The following CERCAM variants were observed in gnomAD, a reference collection of about 807,000 sequenced individuals.
CERCAM encodes the protein cerebral endothelial cell adhesion molecule, also known as inactive glycosyltransferase 25 family member 3.
Under a neutral mutation model 66.0 loss-of-function variants are expected in CERCAM, and 59 were observed. The ratio of observed to expected loss-of-function variants is 0.89; its 90% confidence interval spans 0.73 to 1.11. CERCAM has a LOEUF of 1.11. Among genes scored for constraint, CERCAM ranks in the 50% most tolerant of loss-of-function variants. CERCAM has a pLI of 0.00. For synonymous variants in CERCAM, 318 were observed against 343.6 expected (o/e 0.93, Z 0.83); for missense variants, 840 against 828.3 (o/e 1.01, Z -0.17).
At position 128,433,966 on chromosome 9, in the gene CERCAM, C is replaced by T. The variant is rs73614179; in HGVS notation, c.1204-136C>T. On this transcript the variant is annotated intron_variant, in intron 9 of 12. Coordinates refer to ENST00000372838, the MANE Select transcript of CERCAM (RefSeq NM_016174.5). Reference sequence around the variant, plus strand: ...GGATTTCCGGTCCCAGGCAGTGGGGCCCCCAGCAGGCTTTGGGGCAACTGC... The same window carrying T: ...GGATTTCCGGTCCCAGGCAGTGGGGTCCCCAGCAGGCTTTGGGGCAACTGC... The T allele has an allele frequency of 2.6e-4, 311 of 1,188,260 alleles. No individual in the cohort carries two copies. The African/African-American group carries it at 3.9e-3, about 15-fold the overall frequency. 73.6% of individuals were successfully genotyped at this position (1,188,260 alleles called of 1,614,324 possible).
Position 128,434,681 on chromosome 9 carries a change from G to A in CERCAM, c.1535+68G>A. On this transcript the variant is annotated intron_variant, in intron 11 of 12. Transcript: ENST00000372838. This position sits in a 1 kb window ranked among gnomAD's most constrained non-coding sequence, Gnocchi z 4.5. ...CCCCTCCAGGAACTCACCTCAGTCA[G>A]CAGGAAGTCCCCTCACCTGGCAGAT... 6.8e-7 allele frequency: 1 copy of A among 1,474,572 alleles called. No homozygotes were observed. Among genetic ancestry groups the A allele is most frequent in the Non-Finnish European group, 9.2e-7 (1 of 1,086,346 alleles). The allele number at this position is 1,474,572 out of a possible 1,614,324, so 91.3% of individuals were successfully genotyped here.
intron 2 of CERCAM, 67 bp downstream of exon 2, chr9:128,423,045 A>G: frequency 1.2e-6 from 2 of 1,611,384 alleles, no homozygotes; most frequent in Non-Finnish European, 1.7e-6. Flanking sequence ...AGGAAAAGGG[A>G]CAGCCCAGAG....
Position 128,424,211 on chromosome 9 carries a change from T to C in CERCAM, c.500T>C (p.Val167Ala). The change falls in exon 4 of 13, where the codon GTG becomes GCG. Residue 167 changes from valine (V) to alanine (A), a missense_variant. By Grantham distance (64) the Val-to-Ala change is moderately conservative. Coordinates refer to ENST00000372838, the MANE Select transcript of CERCAM (RefSeq NM_016174.5). ...RLLMGQGLPV[V>A]APMLDSQTYY... ...CTCATGGGGCAGGGGCTTCCAGTGG[T>C]GGCCCCAATGCTGGACTCCCAGACC... 6.2e-7 allele frequency: 1 copy of C among 1,614,066 alleles called. No homozygotes were observed. The highest frequency in any genetic ancestry group is 1.1e-5 in the South Asian group (1 of 91,078).
intron 5 of CERCAM, among the ~76,000 whole-genome samples, chr9:128,426,561 A>G (rs1833852081): frequency 6.6e-6 from 1 of 151,862 alleles, no homozygotes; most frequent in African/African-American, 2.4e-5. Context: ...CAGAGCTTGC[A>G]GTGAGCCGAG....
chr9:128,428,546 C>T (rs892107225), intron 6 of CERCAM, 125 bp downstream of exon 6: 61 of 1,259,122 alleles, frequency 4.8e-5, no homozygotes, highest in Non-Finnish European at 6.1e-5. Flanking sequence ...GTCCCTAACT[C>T]GTTCCATGAC....
chr9:128,424,638 A>C, intron 5 of CERCAM, 24 bp downstream of exon 5: 1 of 1,608,908 alleles, frequency 6.2e-7, no homozygotes, highest in Non-Finnish European at 8.5e-7. Flanking sequence ...CTCCTTTAGC[A>C]TTCCTTGGAG....
chr9:128,429,975 T>G (rs1160612020), intron 8 of CERCAM, among the ~76,000 whole-genome samples: 2 of 103,032 alleles, frequency 1.9e-5, no homozygotes, highest in African/African-American at 7.8e-5. Flanking sequence ...TTTTGTTTTG[T>G]TTTTTTTTCA....
chr9:128,426,794 C>T (rs1483384231), intron 5 of CERCAM, among the ~76,000 whole-genome samples: 1 of 152,114 alleles, frequency 6.6e-6, no homozygotes, highest in Non-Finnish European at 1.5e-5. Context: ...ACGATTTAAT[C>T]AAGTAATCAG....
At chr9:128,419,894 G>T (rs1303704408), upstream of CERCAM, 2 of 151,606 alleles carry the variant, frequency 1.3e-5, no homozygotes, top group Non-Finnish European at 2.9e-5. Context: ...TTTTTGAGAC[G>T]GAGTCTCGGT....
At chr9:128,426,281 C>T (rs2131332332) in intron 5 of CERCAM, among the ~76,000 whole-genome samples, 1 of 151,702 alleles carries the variant, frequency 6.6e-6, no homozygotes, top group South Asian at 2.1e-4. Flanking sequence ...AGATGAGACC[C>T]TGTCTGAAAA....
chr9:128,436,290 G>C (rs978992318), intron 12 of CERCAM, among the ~76,000 whole-genome samples: 4 of 152,022 alleles, frequency 2.6e-5, no homozygotes, highest in Admixed American at 6.6e-5. Context: ...GCCCAGGCTG[G>C]AGTGCAGTGG....
At chr9:128,425,423 C>T (rs1833821747) in intron 5 of CERCAM, among the ~76,000 whole-genome samples, 1 of 152,014 alleles carries the variant, frequency 6.6e-6, no homozygotes. Context: ...ATCTCAAAGT[C>T]TTGGGAAGCT....
chr9:128,426,995 C>A (rs1245299037), intron 5 of CERCAM, among the ~76,000 whole-genome samples: 2 of 152,196 alleles, frequency 1.3e-5, no homozygotes, highest in African/African-American at 2.4e-5. Flanking sequence ...CAAGCGACAG[C>A]CGTTGTTAAT....
chr9:128,420,837 C>G (rs959159965), upstream of CERCAM: 107 of 1,072,580 alleles, frequency 1.0e-4, no homozygotes, highest in South Asian at 2.6e-4. The surrounding 1 kb of genome is among the most constrained non-coding windows in gnomAD (Gnocchi z 5.0). Flanking sequence ...TCGGCCGGCC[C>G]GAGAGCTCCG....
chr9:128,432,673 C>T (rs913102711), intron 9 of CERCAM, among the ~76,000 whole-genome samples: 2 of 152,176 alleles, frequency 1.3e-5, no homozygotes, highest in Non-Finnish European at 2.9e-5. Context: ...AGGCATGAGC[C>T]ACCGCTCCTG....
rs1277039340 is a variant in CERCAM at position 128,435,692 on chromosome 9, G to A, written c.1575G>A (p.Val525=). ...YKAHFWPRDL[V]AFSAQPLLAA... is the part of the protein sequence containing the mutation. ...CACACTTCTGGCCACGGGACCTGGT[G>A]GCCTTCTCCGCCCAGCCCCTGCTCG... The change falls in exon 12 of 13, where the codon GTG becomes GTA. Residue 525 remains valine (V), a synonymous_variant. Transcript: ENST00000372838. 14 of 1,613,844 alleles carry A rather than the reference G, an allele frequency of 8.7e-6. No individual in the cohort carries two copies. The highest frequency in any genetic ancestry group is 1.7e-5 in the Admixed American group (1 of 59,998).
chr9:128,431,203 G>A lies in CERCAM; in HGVS notation c.1103G>A (p.Gly368Asp). The change falls in exon 9 of 13, where the codon GGC (glycine) becomes GAC (aspartate). Residue 368 changes from glycine to aspartate, a missense_variant. Coordinates refer to ENST00000372838, the MANE Select transcript of CERCAM (RefSeq NM_016174.5). ...AACAGCAGTGCCATCAGGAACCTCG[G>A]CGTAGACCTGCTCCCGGGCTACCAG... Reference protein sequence around the residue: ...MLNSSAIRNLGVDLLPGYQDP... With the variant: ...MLNSSAIRNLDVDLLPGYQDP... The A allele has an allele frequency of 6.2e-7, 1 of 1,613,984 alleles. No individual in the cohort carries two copies. Among genetic ancestry groups the A allele is most frequent in the Non-Finnish European group, 8.5e-7 (1 of 1,180,028 alleles).
intron 1 of CERCAM, 196 bp from the exon 2 acceptor site, chr9:128,422,672 G>A: frequency 5.3e-6 from 3 of 570,680 alleles, no homozygotes; most frequent in Non-Finnish European, 9.2e-6. Flanking sequence ...GGACTTGCCT[G>A]AGGTCACACA....
chr9:128,424,021 G>A, intron 3 of CERCAM, 117 bp from the exon 4 acceptor site: 2 of 1,163,958 alleles, frequency 1.7e-6, no homozygotes, highest in Non-Finnish European at 2.4e-6. Context: ...ACCTCTGTAA[G>A]AGCATTCCCA....
Sources: allele counts gnomAD v4.1 joint callset (sites outside exome capture counted in the v4.1 genomes callset), GRCh38; gene constraint gnomAD v4.1.1; non-coding constraint Gnocchi (gnomAD v3.1); transcripts MANE v1.5; gene names NCBI Gene and HGNC (gene_info 2026-07-23, HGNC 2026-07-21).